Variants in SSR3 observed in about 807,000 individuals in gnomAD.
SSR3 encodes the protein signal sequence receptor subunit 3.
A neutral mutation model predicts 22.1 loss-of-function variants in SSR3; 10 were observed. The ratio of observed to expected loss-of-function variants is 0.45; its 90% CI spans 0.28 to 0.77. The LOEUF (loss-of-function observed/expected upper bound fraction) is 0.77, where lower values mean the gene tolerates loss of function less well. SSR3 is among the 30% of genes least tolerant of loss of function. The probability of loss-of-function intolerance (pLI) is 0.13; values close to 1 mark genes in which losing one functional copy is unlikely to be tolerated. For synonymous variants in SSR3, 104 were observed against 82.5 expected, an observed-to-expected ratio of 1.26 and a Z score of -1.42; for missense variants, 181 against 220.5, an observed-to-expected ratio of 0.82 and a Z score of 1.13.
intron 2 of SSR3, among the ~76,000 whole-genome samples, chr3:156,552,300 T>C (rs1336046973): frequency 7.2e-6 from 1 of 138,366 alleles, no homozygotes; most frequent in Non-Finnish European, 1.6e-5. Flanking sequence ...TGAGAGTCTG[T>C]CTCAAAAAAA....
chr3:156,553,580 C>A, intron 2 of SSR3, 75 bp downstream of exon 2: 1 of 1,459,248 alleles, frequency 6.9e-7, no homozygotes, highest in Non-Finnish European at 9.2e-7. Context: ...AAAACCAACA[C>A]ACACAAATGA....
At chr3:156,550,101 C>T (rs951659450) in intron 2 of SSR3, among the ~76,000 whole-genome samples, 3 of 152,090 alleles carry the variant, frequency 2.0e-5, no homozygotes, top group African/African-American at 7.2e-5. Context: ...TTCATGAGAA[C>T]AGATTGTGAG....
chr3:156,554,096 T>C, intron 1 of SSR3: 1 of 202,388 alleles, frequency 4.9e-6, no homozygotes, highest in Non-Finnish European at 9.9e-6. Context: ...ATCAGGGTAC[T>C]AGCATGCGAA....
chr3:156,553,761 G>A lies in SSR3; in HGVS notation c.154C>T (p.His52Tyr), dbSNP rs958249594. The change falls in exon 2 of 5, where the codon CAT becomes TAT. Residue 52 changes from histidine to tyrosine, a missense_variant. Physicochemically the swap from His to Tyr is moderately conservative, Grantham distance 83. Transcript: ENST00000265044. The part of the protein sequence containing the change: ...IPIWLYWRIW[H>Y]MDLIQSAVLY... ...ACAGCAGACTGAATAAGATCCATATGCCATATTCGCCAGTATAACCCTGAA... is the reference window on the plus strand; with the variant it reads ...ACAGCAGACTGAATAAGATCCATATACCATATTCGCCAGTATAACCCTGAA... 7 of 1,610,372 alleles carry A rather than the reference G, an allele frequency of 4.3e-6. No homozygotes were observed. Among genetic ancestry groups the A allele is most frequent in the African/African-American group, 1.3e-5 (1 of 74,798 alleles).
rs144203243 is a variant in SSR3 at position 156,554,197 on chromosome 3, C to T, written c.134-416G>A. On this transcript the variant is annotated intron_variant, in intron 1 of 4. Transcript: ENST00000265044. The stretch of plus-strand genomic sequence containing the variant: ...ATCAGAACTCCAAGCAGTGCTATGT[C>T]CAATTAGTGAGCCATCATATGGCTT... The T allele has an allele frequency of 1.3e-3, 201 of 155,946 alleles. 2 individuals are homozygous for T. The Middle Eastern group carries it at 0.035, about 27-fold the overall frequency. 9.7% of individuals were successfully genotyped at this position (155,946 alleles called of 1,614,324 possible).
At position 156,541,442 on chromosome 3, in the gene SSR3, G is replaced by A; in HGVS notation, c.*1761C>T. On this transcript the variant is annotated 3_prime_UTR_variant, in exon 5 of 5. Coordinates refer to ENST00000265044, the MANE Select transcript of SSR3 (RefSeq NM_007107.5). ...GTTTTTTTGTTTCTTTTTTGAGATGGAGTCTCACCCTTGCCACCCAGGCAG... is the reference window on the plus strand; with the variant it reads ...GTTTTTTTGTTTCTTTTTTGAGATGAAGTCTCACCCTTGCCACCCAGGCAG... 1 of 151,782 alleles carries A rather than the reference G, an allele frequency of 6.6e-6. No homozygotes were observed. The highest frequency in any genetic ancestry group is 1.9e-4 in the East Asian group (1 of 5,182). The allele number at this position is 151,782 out of a possible 1,614,324, so 9.4% of individuals were successfully genotyped here. A position where few individuals can be genotyped will look rare whatever the true frequency, so the allele number is the denominator to read the frequency against.
intron 3 of SSR3, among the ~76,000 whole-genome samples, 169 bp from the exon 4 acceptor site, chr3:156,544,608 A>G (rs1719695776): frequency 1.9e-5 from 1 of 51,948 alleles, no homozygotes; most frequent in Non-Finnish European, 6.0e-5. Context: ...TCTTCCACTG[A>G]AAAAAAATAT....
At chr3:156,554,476 C>T (rs79078277) in intron 1 of SSR3, among the ~76,000 whole-genome samples, 2,036 of 152,198 alleles carry the variant, frequency 0.013, 47 homozygotes, top group African/African-American at 0.047. Flanking sequence ...TTTGCAAAAA[C>T]CAGGAAAATT....
intron 4 of SSR3, among the ~76,000 whole-genome samples, chr3:156,543,532 G>C (rs1719645053): frequency 6.6e-6 from 1 of 152,170 alleles, no homozygotes; most frequent in Admixed American, 6.5e-5. Context: ...AGAATAATCT[G>C]AATTCCATTT....
intron 3 of SSR3, among the ~76,000 whole-genome samples, chr3:156,545,494 C>T (rs1266695205): frequency 6.6e-6 from 1 of 152,156 alleles, no homozygotes; most frequent in Non-Finnish European, 1.5e-5. Context: ...TGACACATCC[C>T]CTCAACCCTA....
At chr3:156,549,626 AT>A in intron 2 of SSR3, among the ~76,000 whole-genome samples, 1 of 152,266 alleles carries the variant, frequency 6.6e-6, no homozygotes, top group African/African-American at 2.4e-5. Flanking sequence ...GATTTTACCT[AT>A]TTTTTTACCT....
intron 3 of SSR3, among the ~76,000 whole-genome samples, chr3:156,546,197 A>G (rs1719754140): frequency 6.6e-6 from 1 of 152,196 alleles, no homozygotes; most frequent in Admixed American, 6.5e-5. Context: ...CACTCTCGTG[A>G]CAGTGAGGGA....
chr3:156,554,131 G>A (rs769359863), intron 1 of SSR3: 2 of 174,952 alleles, frequency 1.1e-5, no homozygotes, highest in Non-Finnish European at 2.4e-5. Context: ...AAAATGCCAC[G>A]TGCAGCCCCA....
At chr3:156,548,082 G>C (rs1269567647) in intron 3 of SSR3, among the ~76,000 whole-genome samples, 1 of 152,038 alleles carries the variant, frequency 6.6e-6, no homozygotes, top group South Asian at 2.1e-4. Flanking sequence ...AGCAAAGTGG[G>C]GTAAAAAATA....
chr3:156,553,503 T>C, intron 2 of SSR3, 152 bp downstream of exon 2: 1 of 746,516 alleles, frequency 1.3e-6, no homozygotes, highest in Non-Finnish European at 2.0e-6. Context: ...TAATAATTCT[T>C]CCTAGCATCA....
chr3:156,547,776 T>C (rs918497730), intron 3 of SSR3, among the ~76,000 whole-genome samples: 1 of 152,206 alleles, frequency 6.6e-6, no homozygotes, highest in Non-Finnish European at 1.5e-5. Context: ...ATTTCCAAGA[T>C]CCAGTGCCAG....
At chr3:156,548,173 C>T (rs1719827310) in intron 3 of SSR3, among the ~76,000 whole-genome samples, 1 of 152,156 alleles carries the variant, frequency 6.6e-6, no homozygotes, top group Non-Finnish European at 1.5e-5. Flanking sequence ...AACTATGTGG[C>T]AATTCTTCAG....
Position 156,554,850 on chromosome 3 carries a change from A to AC in SSR3, c.133+106dup, listed in dbSNP as rs142209744. On this transcript the variant is annotated intron_variant, in intron 1 of 4. Coordinates refer to ENST00000265044, the MANE Select transcript of SSR3 (RefSeq NM_007107.5). ...CTCAGGGGAGCTGGAGAGATTGCCG[A>AC]CCCCCGGCCGGCACCCACGCCTTCC... is the stretch of plus-strand genomic sequence containing the variant. The AC allele has an allele frequency of 2.3e-3, 3,285 of 1,424,602 alleles. 125 individuals carry two copies. The East Asian group carries it at 0.071, about 31-fold the overall frequency. 88.2% of individuals were successfully genotyped at this position (1,424,602 alleles called of 1,614,324 possible). A position where few individuals can be genotyped will look rare whatever the true frequency, so the allele number is the denominator to read the frequency against.
chr3:156,548,876 G>A (rs1719851023), intron 3 of SSR3, 29 bp downstream of exon 3: 1 of 1,604,124 alleles, frequency 6.2e-7, no homozygotes, highest in Non-Finnish European at 8.5e-7. Context: ...CCCCTTTTAT[G>A]ATGGCCATAC....
Sources: allele counts gnomAD v4.1 joint callset (sites outside exome capture counted in the v4.1 genomes callset), GRCh38; gene constraint gnomAD v4.1.1; transcripts MANE v1.5; gene names NCBI Gene and HGNC (gene_info 2026-07-23, HGNC 2026-07-21).